The following UNC5D variants were observed in gnomAD, a reference collection of about 807,000 sequenced individuals.
UNC5D encodes netrin receptor UNC5D.
UNC5D carries 39 observed loss-of-function variants against 105.4 expected under a neutral mutation model. That is an observed-to-expected ratio of 0.37 (90% CI 0.29 to 0.48). The LOEUF (loss-of-function observed/expected upper bound fraction) is 0.48. Ranked by LOEUF, UNC5D falls within the 20% of genes least tolerant of loss-of-function variation. The pLI is 0.98. For synonymous variants in UNC5D, 452 were observed against 450.4 expected (o/e 1.00, Z -0.04); for missense variants, 991 against 1,202.4 (o/e 0.82, Z 2.60).
At chr8:35,498,084 CAAAAAAAAAAAAAAAA>C (rs58175711) in intron 1 of UNC5D, among the ~76,000 whole-genome samples, 22,509 of 59,054 alleles carry the variant, frequency 0.38, 2,458 homozygotes, top group Admixed American at 0.51. Flanking sequence ...CAAAACAAAA[CAAAAAAAAAAAAAAAA>C]AAAAAAAAAA....
rs1490072998 is a variant in UNC5D at position 35,767,061 on chromosome 8, C to G, written c.2473C>G (p.Leu825Val). 5.0e-6 allele frequency: 8 copies of G among 1,611,988 alleles called. No individual in the cohort carries two copies. The highest frequency in any genetic ancestry group is 6.8e-6 in the Non-Finnish European group (8 of 1,178,888). The change falls in exon 15 of 17, where the codon CTA (leucine) becomes GTA (valine). Residue 825 changes from leucine (L) to valine (V), a missense_variant. By Grantham distance (32) the Leu-to-Val change is conservative. Around this residue, in one of 3 missense-constraint regions of UNC5D, gnomAD observed 944 missense variants for 1,131.6 expected, o/e 0.83. Transcript: ENST00000404895. ...GATCCTCCAAGTGCAGACATCAATC[C>G]TAGAGGTGAGTCCTTGATCTACAGG... ...EQILQVQTSI[L>V]ESERETITFF...
intron 8 of UNC5D, among the ~76,000 whole-genome samples, chr8:35,717,539 C>T (rs1828319802): frequency 6.6e-6 from 1 of 152,138 alleles, no homozygotes; most frequent in African/African-American, 2.4e-5. Flanking sequence ...TCATTTAGTC[C>T]TTCTCCCCAG....
intron 4 of UNC5D, among the ~76,000 whole-genome samples, chr8:35,653,073 G>A (rs929301908): frequency 2.0e-5 from 3 of 151,846 alleles, no homozygotes; most frequent in African/African-American, 7.3e-5. Flanking sequence ...GGGAATACAG[G>A]CACATGCCAC....
chr8:35,303,151 G>A (rs538482141), intron 1 of UNC5D, among the ~76,000 whole-genome samples: 7 of 151,928 alleles, frequency 4.6e-5, no homozygotes, highest in East Asian at 3.9e-4. Flanking sequence ...TTTGAAATCA[G>A]TGCCTATTTC....
intron 1 of UNC5D, among the ~76,000 whole-genome samples, chr8:35,393,184 G>C (rs911654659): frequency 7.4e-6 from 1 of 135,888 alleles, no homozygotes; most frequent in Non-Finnish European, 1.5e-5. Context: ...CCAGGCTGGA[G>C]TGCAGTGGCG....
intron 1 of UNC5D, among the ~76,000 whole-genome samples, chr8:35,324,918 G>C (rs1810034656): frequency 6.6e-6 from 1 of 152,154 alleles, no homozygotes; most frequent in African/African-American, 2.4e-5. Flanking sequence ...AAAAAGGCGT[G>C]AGGAGAGACT....
chr8:35,592,842 T>C (rs1042445583), intron 3 of UNC5D, among the ~76,000 whole-genome samples: 6 of 152,146 alleles, frequency 3.9e-5, no homozygotes, highest in Non-Finnish European at 7.3e-5. Context: ...TAATCTTTGT[T>C]CTTTTTATGT....
chr8:35,645,374 G>A (rs1822984356), intron 4 of UNC5D, among the ~76,000 whole-genome samples: 1 of 152,142 alleles, frequency 6.6e-6, no homozygotes, highest in Admixed American at 6.5e-5. Flanking sequence ...TGTTCTATTA[G>A]AAAGAAGCAG....
At chr8:35,753,891 C>T (rs983665915) in intron 13 of UNC5D, among the ~76,000 whole-genome samples, 3 of 152,326 alleles carry the variant, frequency 2.0e-5, no homozygotes, top group East Asian at 3.9e-4. Context: ...TGTACTCCTC[C>T]GTCTTAGTTT....
chr8:35,686,841 T>A (rs1323476969), intron 7 of UNC5D, 132 bp downstream of exon 7: 2 of 1,200,152 alleles, frequency 1.7e-6, no homozygotes, highest in African/African-American at 3.2e-5. Flanking sequence ...CAAAAATAAA[T>A]TAGGTAAAAA....
chr8:35,711,306 A>T (rs1055090288), intron 8 of UNC5D, among the ~76,000 whole-genome samples: 4 of 151,846 alleles, frequency 2.6e-5, no homozygotes, highest in Non-Finnish European at 5.9e-5. Context: ...CAGCCTCCCA[A>T]GTAGCTGAGA....
chr8:35,264,373 A>AGAATAGGACATAGC (rs1231125704), intron 1 of UNC5D, among the ~76,000 whole-genome samples: 103 of 152,290 alleles, frequency 6.8e-4, no homozygotes, highest in Non-Finnish European at 1.2e-3. Context: ...TAGGACATAG[A>AGAATAGGACATAGC]GAATACTTCG....
chr8:35,682,747 A>G (rs1181710536), intron 4 of UNC5D, among the ~76,000 whole-genome samples: 3 of 152,210 alleles, frequency 2.0e-5, no homozygotes, highest in African/African-American at 7.2e-5. Context: ...TCAAGGAAAG[A>G]GAAGTTTGGA....
intron 3 of UNC5D, 54 bp from the exon 4 acceptor site, chr8:35,595,500 T>C (rs1398902033): frequency 1.2e-5 from 18 of 1,556,858 alleles, no homozygotes; most frequent in Non-Finnish European, 1.6e-5. Context: ...TGGACCAAAT[T>C]TGAATAACAC....
At chr8:35,526,465 G>A (rs534869989) in intron 1 of UNC5D, among the ~76,000 whole-genome samples, 1 of 152,330 alleles carries the variant, frequency 6.6e-6, no homozygotes, top group Admixed American at 6.5e-5. Flanking sequence ...TCTTCCACCT[G>A]AGTTGTTGTA....
At chr8:35,489,859 A>T (rs1234564416) in intron 1 of UNC5D, among the ~76,000 whole-genome samples, 1 of 152,230 alleles carries the variant, frequency 6.6e-6, no homozygotes, top group African/African-American at 2.4e-5. Context: ...ATGAGACATG[A>T]TCTGAGACAA....
chr8:35,295,911 A>G (rs1027922990), intron 1 of UNC5D, among the ~76,000 whole-genome samples: 1 of 152,150 alleles, frequency 6.6e-6, no homozygotes, highest in African/African-American at 2.4e-5. Flanking sequence ...ACATGTAAGT[A>G]GGATCATACA....
intron 1 of UNC5D, among the ~76,000 whole-genome samples, chr8:35,314,457 A>C (rs2128880562): frequency 6.6e-6 from 1 of 152,306 alleles, no homozygotes. Context: ...CATATCATGT[A>C]AGAGACACAT....
intron 1 of UNC5D, among the ~76,000 whole-genome samples, chr8:35,324,233 C>CAAAAAAAAAAAAAAA (rs569409228): frequency 1.6e-4 from 10 of 62,796 alleles, no homozygotes; most frequent in African/African-American, 3.2e-4. Flanking sequence ...ACCCTGTCTC[C>CAAAAAAAAAAAAAAA]AAAAAAAAAA....
Sources: gnomAD v4.1 joint callset for allele counts (sites outside exome capture counted in the v4.1 genomes callset) on GRCh38, gnomAD v4.1.1 for gene constraint, gnomAD v4.1.1 regional missense constraint, MANE v1.5 for transcripts, NCBI Gene and HGNC (gene_info 2026-07-23, HGNC 2026-07-21) for gene names.